Variants in USP42 observed in about 807,000 individuals in gnomAD.
USP42 encodes the protein ubiquitin specific peptidase 42.
USP42 carries 23 observed loss-of-function variants against 113.0 expected under a neutral mutation model. The observed-to-expected ratio is 0.20, with a 90% CI of 0.15 to 0.29. The LOEUF (loss-of-function observed/expected upper bound fraction) is 0.29, where lower values mean the gene tolerates loss of function less well. Among genes scored for constraint, USP42 ranks in the 10% least tolerant of loss-of-function variants. USP42 has a pLI of 1.00. For synonymous variants in USP42, 933 were observed against 699.0 expected (o/e 1.33, Z -5.28); for missense variants, 2,174 against 1,779.8 (o/e 1.22, Z -3.99).
chr7:6,115,203 A>C, intron 2 of USP42, 120 bp from the exon 3 acceptor site: 1 of 929,456 alleles, frequency 1.1e-6, no homozygotes, highest in Non-Finnish European at 1.6e-6. Flanking sequence ...CCTGTATTTC[A>C]GGTAGGCTGG....
At chr7:6,116,488 T>G (rs1779918039) in intron 3 of USP42, 1 of 223,822 alleles carries the variant, frequency 4.5e-6, no homozygotes, top group African/African-American at 2.4e-5. Context: ...CCCTGTTCTT[T>G]GATCTAAATT....
intron 1 of USP42, among the ~76,000 whole-genome samples, chr7:6,110,840 G>A (rs1583574927): frequency 6.6e-6 from 1 of 152,154 alleles, no homozygotes; most frequent in East Asian, 1.9e-4. Flanking sequence ...AAACTGAAAT[G>A]CCAGACTTTT....
chr7:6,119,186 G>T (rs1286806230), intron 3 of USP42, among the ~76,000 whole-genome samples: 2 of 152,140 alleles, frequency 1.3e-5, no homozygotes, highest in Non-Finnish European at 2.9e-5. Flanking sequence ...CTGTATTACA[G>T]CCTGAGTGAT....
chr7:6,087,250 G>A, the USP42 span, among the ~76,000 whole-genome samples: 5 of 149,346 alleles, frequency 3.3e-5, no homozygotes, highest in African/African-American at 1.3e-4. Flanking sequence ...AGGCTGGTCT[G>A]GAACTCCTGA....
chr7:6,108,877 G>C (rs1359201274), intron 1 of USP42, among the ~76,000 whole-genome samples: 2 of 152,196 alleles, frequency 1.3e-5, no homozygotes, highest in African/African-American at 4.8e-5. Context: ...ACAAGCTGGT[G>C]CTAAAAGCAA....
Position 6,156,906 on chromosome 7 carries a change from A to G in USP42, c.3794A>G (p.Glu1265Gly), listed in dbSNP as rs1782482845. Residue 1265 changes from glutamate to glycine, a missense_variant, in exon 16 of 18, where the codon GAG (glutamate) becomes GGG (glycine). Glu to Gly is a moderately conservative substitution (Grantham distance 98). Coordinates refer to ENST00000306177, the MANE Select transcript of USP42 (RefSeq NM_032172.3). ...CACTTACCCAGGGTCACCAGCTTGG[A>G]GACTGTCGCCCAGTTCCGGAGAGCC... ...ELHLPRVTSL[E>G]TVAQFRRAQG... 1 of 1,613,750 alleles carries G rather than the reference A, an allele frequency of 6.2e-7. No homozygotes were observed. Among genetic ancestry groups the G allele is most frequent in the Non-Finnish European group, 8.5e-7 (1 of 1,179,842 alleles).
chr7:6,148,968 G>C (rs1204513939), intron 12 of USP42, among the ~76,000 whole-genome samples: 2 of 152,174 alleles, frequency 1.3e-5, no homozygotes, highest in Admixed American at 6.5e-5. Flanking sequence ...GTGTTAGGAT[G>C]GCAGCTAATT....
intron 1 of USP42, 98 bp downstream of exon 1, chr7:6,105,130 C>T (rs1263085770): frequency 6.8e-6 from 1 of 146,592 alleles, no homozygotes; most frequent in Non-Finnish European, 1.5e-5. Context: ...GCCCCTCAGC[C>T]GGCGCGGCCC....
At chr7:6,091,040 G>A in the USP42 span, among the ~76,000 whole-genome samples, 1 of 150,590 alleles carries the variant, frequency 6.6e-6, no homozygotes, top group African/African-American at 2.5e-5. Flanking sequence ...CCCCCTTGCA[G>A]CAAGCCTTCC....
At chr7:6,085,726 T>G in the USP42 span, among the ~76,000 whole-genome samples, 1 of 150,506 alleles carries the variant, frequency 6.6e-6, no homozygotes, top group Non-Finnish European at 1.5e-5. Flanking sequence ...GCGATTCTCC[T>G]GCCTCAGCTT....
chr7:6,087,340 C>CTTTTTT, the USP42 span, among the ~76,000 whole-genome samples: 3 of 116,506 alleles, frequency 2.6e-5, no homozygotes, highest in Non-Finnish European at 5.3e-5. Flanking sequence ...CTAAGCGCTT[C>CTTTTTT]TTTTTTTTTT....
At chr7:6,118,806 G>A (rs1438515923) in intron 3 of USP42, among the ~76,000 whole-genome samples, 4 of 152,052 alleles carry the variant, frequency 2.6e-5, no homozygotes, top group Non-Finnish European at 5.9e-5. Flanking sequence ...ACTTTAGACA[G>A]AAGAAAAAAA....
chr7:6,131,984 G>C (rs887211163), intron 3 of USP42, among the ~76,000 whole-genome samples: 3 of 152,202 alleles, frequency 2.0e-5, no homozygotes, highest in Admixed American at 6.5e-5. Context: ...CCAGGCTAGA[G>C]TGCAGTGGTG....
intron 3 of USP42, among the ~76,000 whole-genome samples, chr7:6,131,431 G>A (rs1051952227): frequency 1.4e-4 from 21 of 152,170 alleles, no homozygotes; most frequent in African/African-American, 2.9e-4. Flanking sequence ...CCGTGATCCC[G>A]CCACTGCACT....
chr7:6,094,748 C>T, the USP42 span, among the ~76,000 whole-genome samples: 1 of 150,904 alleles, frequency 6.6e-6, no homozygotes, highest in Non-Finnish European at 1.5e-5. Context: ...CCCTCAGCCC[C>T]ACCAACTTAC....
rs1782585634 is a variant in USP42 at position 6,158,462 on chromosome 7, C to G, written c.3944-988C>G. Among the ~76,000 whole-genome samples, 2 of 150,728 alleles carry G rather than the reference C, an allele frequency of 1.3e-5. No individual in the cohort carries two copies. The highest frequency in any genetic ancestry group is 2.9e-5 in the Non-Finnish European group (2 of 68,006). On this transcript the variant is annotated intron_variant, in intron 16 of 17. Transcript: ENST00000306177. The surrounding 1 kb of genome is among the most constrained non-coding windows in gnomAD (Gnocchi z 4.2). The stretch of plus-strand genomic sequence containing the variant: ...CGGCTGAGTTGTGGGTTAGGTGGAG[C>G]TGTGTGTTCTGGGGAAGGCCTGTCC...
At position 6,140,110 on chromosome 7, in the gene USP42, C is replaced by G. The variant is rs369163067; in HGVS notation, c.657-18C>G. 7 of 1,612,874 alleles carry G rather than the reference C, an allele frequency of 4.3e-6. No homozygotes were observed. The highest frequency in any genetic ancestry group is 5.1e-6 in the Non-Finnish European group (6 of 1,178,840). ...TTTGCAAAGCTCTTCTCTCATGTCA[C>G]TGTTCAACGTTTTTCAGATTAGACA... On this transcript the variant is annotated intron_variant, in intron 5 of 17. Transcript: ENST00000306177.
chr7:6,129,231 T>C lies in USP42; in HGVS notation c.443-6610T>C, dbSNP rs181180670. 1.4e-3 allele frequency among the ~76,000 whole-genome samples: 212 copies of C among 152,336 alleles called. 1 individual carries two copies. The highest frequency in any genetic ancestry group is 4.7e-3 in the African/African-American group (194 of 41,586). The stretch of plus-strand genomic sequence containing the variant: ...ATAGAAACATTACTTCCCTATGTCC[T>C]TTACTCTCCACTAGTTATAATTGTT... On this transcript the variant is annotated intron_variant, in intron 3 of 17. Transcript: ENST00000306177.
At chr7:6,152,472 C>T (rs1333078360) in intron 14 of USP42, among the ~76,000 whole-genome samples, 1 of 152,238 alleles carries the variant, frequency 6.6e-6, no homozygotes, top group Non-Finnish European at 1.5e-5. Flanking sequence ...GCGGGGCTCC[C>T]ATCACTGTGG....
Sources: gnomAD v4.1 joint callset for allele counts (sites outside exome capture counted in the v4.1 genomes callset) on GRCh38, gnomAD v4.1.1 for gene constraint, Gnocchi (gnomAD v3.1) non-coding constraint, MANE v1.5 for transcripts, NCBI Gene and HGNC (gene_info 2026-07-23, HGNC 2026-07-21) for gene names.